The following FOXN3 variants were observed in gnomAD, a reference collection of about 807,000 sequenced individuals.
FOXN3 encodes forkhead box N3, also known as forkhead box protein N3.
In FOXN3, 7 loss-of-function variants were observed where a neutral mutation model predicts 38.4. That is an observed-to-expected ratio of 0.18 (90% CI 0.10 to 0.34). The LOEUF (loss-of-function observed/expected upper bound fraction) is 0.34, where lower values mean the gene tolerates loss of function less well. FOXN3 is among the 10% of genes least tolerant of loss of function. FOXN3 has a pLI of 1.00. For missense variants in FOXN3, 456 were observed against 613.4 expected, an observed-to-expected ratio of 0.74 and a Z score of 2.71; for synonymous variants, 230 against 242.2, an observed-to-expected ratio of 0.95 and a Z score of 0.47.
At chr14:89,595,408 T>C (rs1896038461) in intron 1 of FOXN3, among the ~76,000 whole-genome samples, 3 of 152,162 alleles carry the variant, frequency 2.0e-5, no homozygotes, top group African/African-American at 4.8e-5. Flanking sequence ...ATCTCAATAG[T>C]GTTTCATGGT....
At chr14:89,426,215 A>ATTTTTTTTTTTT (rs33964198) in intron 1 of FOXN3, among the ~76,000 whole-genome samples, 1 of 77,560 alleles carries the variant, frequency 1.3e-5, no homozygotes, top group Non-Finnish European at 2.2e-5. Flanking sequence ...AGGAGTACTG[A>ATTTTTTTTTTTT]TTTTTTTTTT....
chr14:89,522,020 A>G (rs1691286472), intron 1 of FOXN3, among the ~76,000 whole-genome samples: 1 of 81,512 alleles, frequency 1.2e-5, no homozygotes, highest in South Asian at 4.6e-4. Flanking sequence ...ACCCTGTCTC[A>G]AAAAAAAAGA....
intron 1 of FOXN3, among the ~76,000 whole-genome samples, chr14:89,526,758 A>G (rs575102247): frequency 2.0e-5 from 3 of 152,272 alleles, no homozygotes; most frequent in East Asian, 3.9e-4. Flanking sequence ...CTGACAATTC[A>G]TATGTAAGTA....
intron 3 of FOXN3, among the ~76,000 whole-genome samples, chr14:89,334,600 A>T (rs1380271283): frequency 7.1e-6 from 1 of 140,920 alleles, no homozygotes; most frequent in Non-Finnish European, 1.6e-5. Flanking sequence ...AGAGAACAAG[A>T]CTTCATCAAA....
intron 1 of FOXN3, among the ~76,000 whole-genome samples, chr14:89,428,497 G>A (rs1892089543): frequency 6.6e-6 from 1 of 152,234 alleles, no homozygotes; most frequent in African/African-American, 2.4e-5. Flanking sequence ...CTGTGGGTAT[G>A]TTCAACAGCA....
At chr14:89,339,989 G>A (rs921454388) in intron 3 of FOXN3, among the ~76,000 whole-genome samples, 1 of 152,062 alleles carries the variant, frequency 6.6e-6, no homozygotes, top group African/African-American at 2.4e-5. Flanking sequence ...CAGTTCAGAA[G>A]AATCCTAAGA....
intron 1 of FOXN3, among the ~76,000 whole-genome samples, chr14:89,534,750 T>C (rs1223129692): frequency 6.6e-6 from 1 of 152,208 alleles, no homozygotes; most frequent in African/African-American, 2.4e-5. Flanking sequence ...TTGTTCAAAC[T>C]TCCCAGGTGA....
At chr14:89,370,736 A>T (rs1890294993) in intron 2 of FOXN3, among the ~76,000 whole-genome samples, 3 of 152,228 alleles carry the variant, frequency 2.0e-5, no homozygotes, top group Admixed American at 2.0e-4. Context: ...TCTACACTGG[A>T]TTTGTTTGGC....
At chr14:89,285,231 G>A (rs1306561967) in intron 3 of FOXN3, among the ~76,000 whole-genome samples, 1 of 152,136 alleles carries the variant, frequency 6.6e-6, no homozygotes, top group East Asian at 1.9e-4. Flanking sequence ...CTACAAAAGA[G>A]AGAAGTGGGC....
At chr14:89,341,143 T>C (rs1400088538) in intron 3 of FOXN3, among the ~76,000 whole-genome samples, 1 of 152,126 alleles carries the variant, frequency 6.6e-6, no homozygotes, top group African/African-American at 2.4e-5. Flanking sequence ...TGGCAGCTGG[T>C]TGTCTAGCCT....
chr14:89,500,606 C>T (rs1447290032), intron 1 of FOXN3, among the ~76,000 whole-genome samples: 1 of 152,224 alleles, frequency 6.6e-6, no homozygotes, highest in Non-Finnish European at 1.5e-5. Flanking sequence ...CCCTATCCAA[C>T]AGCATCGGGG....
intron 4 of FOXN3, among the ~76,000 whole-genome samples, chr14:89,228,076 A>C (rs1884697746): frequency 6.6e-6 from 1 of 152,176 alleles, no homozygotes; most frequent in African/African-American, 2.4e-5. Flanking sequence ...GCCTGGGGAG[A>C]CATTAAGCAG....
chr14:89,538,737 C>T (rs187527584), intron 1 of FOXN3, among the ~76,000 whole-genome samples: 65 of 151,568 alleles, frequency 4.3e-4, no homozygotes, highest in Admixed American at 5.3e-4. Context: ...AGCCTGGTTT[C>T]GAACTCCCGA....
intron 1 of FOXN3, among the ~76,000 whole-genome samples, chr14:89,435,383 A>C (rs1169095494): frequency 6.6e-6 from 1 of 151,842 alleles, no homozygotes. Flanking sequence ...TAAAAAAAAA[A>C]AAAAAAAATG....
intron 5 of FOXN3, among the ~76,000 whole-genome samples, chr14:89,174,899 C>T (rs1185810438): frequency 1.3e-5 from 2 of 152,186 alleles, no homozygotes; most frequent in African/African-American, 4.8e-5. Flanking sequence ...ATTTCAAAGA[C>T]AAAGGCCAAC....
chr14:89,203,590 G>A (rs897372213), intron 4 of FOXN3, among the ~76,000 whole-genome samples: 17 of 152,188 alleles, frequency 1.1e-4, no homozygotes, highest in African/African-American at 2.7e-4. Flanking sequence ...GGAGTCATGC[G>A]CTGAGCGGGC....
At chr14:89,343,446 T>A (rs1203518283) in intron 3 of FOXN3, among the ~76,000 whole-genome samples, 1 of 151,236 alleles carries the variant, frequency 6.6e-6, no homozygotes, top group African/African-American at 2.4e-5. Flanking sequence ...CTCTGTACAA[T>A]TTCTATACCC....
chr14:89,407,415 G>A (rs1891421074), intron 2 of FOXN3, among the ~76,000 whole-genome samples: 1 of 152,204 alleles, frequency 6.6e-6, no homozygotes, highest in Non-Finnish European at 1.5e-5. Flanking sequence ...CCTGGCATTA[G>A]GCAACACCAA....
chr14:89,538,344 C>G (rs1038222509), intron 1 of FOXN3, among the ~76,000 whole-genome samples: 2 of 152,114 alleles, frequency 1.3e-5, no homozygotes, highest in African/African-American at 4.8e-5. Context: ...GGACTTGGAT[C>G]AAAAAACGAA....
Sources: gnomAD v4.1 joint callset for allele counts (sites outside exome capture counted in the v4.1 genomes callset) on GRCh38, gnomAD v4.1.1 for gene constraint, MANE v1.5 for transcripts, NCBI Gene and HGNC (gene_info 2026-07-23, HGNC 2026-07-21) for gene names.